FSTL4: variants seen among roughly 807,000 people sequenced by gnomAD.
FSTL4 encodes follistatin like 4.
FSTL4 carries 28 observed loss-of-function variants against 78.2 expected under a neutral mutation model. That is an observed-to-expected ratio of 0.36 (90% CI 0.27 to 0.49). The LOEUF is 0.49. FSTL4 is among the 20% of genes least tolerant of loss of function. The probability of loss-of-function intolerance (pLI) is 0.98; values close to 1 mark genes in which losing one functional copy is unlikely to be tolerated. For missense variants in FSTL4, 922 were observed against 1,084.9 expected, an observed-to-expected ratio of 0.85 and a Z score of 2.11; for synonymous variants, 422 against 440.5, an observed-to-expected ratio of 0.96 and a Z score of 0.53.
chr5:133,217,632 C>A (rs561845640), intron 12 of FSTL4, among the ~76,000 whole-genome samples: 4 of 152,142 alleles, frequency 2.6e-5, no homozygotes, highest in African/African-American at 7.2e-5. Flanking sequence ...TCTATTCTTA[C>A]GCTATCTTCT....
At chr5:133,532,001 C>T (rs1000437840) in intron 3 of FSTL4, among the ~76,000 whole-genome samples, 3 of 152,348 alleles carry the variant, frequency 2.0e-5, no homozygotes, top group Middle Eastern at 3.4e-3. Context: ...TTCTCTTACA[C>T]TGCAAAACGG....
chr5:133,656,006 A>T, the FSTL4 span, among the ~76,000 whole-genome samples: 33,165 of 152,180 alleles, frequency 0.22, 3,852 homozygotes, highest in Admixed American at 0.29. Context: ...CCCGCCCTCC[A>T]GGTCACTATG....
intron 3 of FSTL4, among the ~76,000 whole-genome samples, chr5:133,411,315 C>A (rs1042950942): frequency 1.3e-5 from 2 of 152,098 alleles, no homozygotes; most frequent in African/African-American, 4.8e-5. Flanking sequence ...CAAAATGCCA[C>A]GAGAATCAAG....
chr5:133,231,919 C>T (rs1414607250), intron 8 of FSTL4, among the ~76,000 whole-genome samples: 2 of 152,164 alleles, frequency 1.3e-5, no homozygotes, highest in African/African-American at 4.8e-5. Flanking sequence ...TTGGGAAACA[C>T]CGACCATTCC....
intron 4 of FSTL4, among the ~76,000 whole-genome samples, chr5:133,355,232 T>C (rs754719299): frequency 6.6e-6 from 1 of 152,234 alleles, no homozygotes; most frequent in African/African-American, 2.4e-5. Flanking sequence ...TCCTCAGCTA[T>C]TCCCAGACAG....
chr5:133,670,162 G>A, the FSTL4 span, among the ~76,000 whole-genome samples: 2 of 152,186 alleles, frequency 1.3e-5, no homozygotes, highest in African/African-American at 2.4e-5. Context: ...ATAAATTGTG[G>A]ATGTGCCTTT....
chr5:133,777,486 T>C, the FSTL4 span, among the ~76,000 whole-genome samples: 7 of 152,230 alleles, frequency 4.6e-5, no homozygotes. Context: ...GAAAACTATT[T>C]TTTAGATATT....
the FSTL4 span, among the ~76,000 whole-genome samples, chr5:133,732,753 AG>A: frequency 4.5e-3 from 618 of 136,808 alleles, 2 homozygotes; most frequent in African/African-American, 0.021. Flanking sequence ...CAGTGAATTG[AG>A]AGCCCAGGCC....
chr5:133,303,125 A>G (rs1332818311), intron 6 of FSTL4, among the ~76,000 whole-genome samples: 1 of 151,890 alleles, frequency 6.6e-6, no homozygotes, highest in Non-Finnish European at 1.5e-5. Context: ...CTTTGCATAC[A>G]CTCATTAGTC....
At chr5:133,615,744 C>T (rs1457975561), upstream of FSTL4, among the ~76,000 whole-genome samples, 1 of 152,186 alleles carries the variant, frequency 6.6e-6, no homozygotes, top group Non-Finnish European at 1.5e-5. Context: ...CTTAAGATTA[C>T]ACATACATAA....
the FSTL4 span, among the ~76,000 whole-genome samples, chr5:133,799,586 ATGGGGTACCTGTGGC>A: frequency 7.2e-6 from 1 of 138,152 alleles, no homozygotes. Context: ...ACTCAGAGAC[ATGGGGTACCTGTGGC>A]TGGCAGCCAC....
At chr5:133,552,348 G>A (rs934324842) in intron 3 of FSTL4, among the ~76,000 whole-genome samples, 1 of 152,144 alleles carries the variant, frequency 6.6e-6, no homozygotes. Context: ...ACTTAGTCTC[G>A]CTATGAGGAA....
rs974030956 is a variant in FSTL4 at position 133,197,622 on chromosome 5, G to T, written c.*1473C>A. ...TCCTTGAAAGAGTTCATTCCTTAAT[G>T]GCAAAGGAAAATCCTGGTCATGTCA... On this transcript the variant is annotated 3_prime_UTR_variant, in exon 16 of 16. Coordinates refer to ENST00000265342, the MANE Select transcript of FSTL4 (RefSeq NM_015082.2). 6.6e-6 allele frequency: 1 copy of T among 152,242 alleles called. No individual in the cohort carries two copies. Among genetic ancestry groups the T allele is most frequent in the African/African-American group, 2.4e-5 (1 of 41,444 alleles). The allele number at this position is 152,242 out of a possible 1,614,324, so 9.4% of individuals were successfully genotyped here.
the FSTL4 span, among the ~76,000 whole-genome samples, chr5:133,664,438 G>A: frequency 1.3e-5 from 2 of 152,104 alleles, no homozygotes; most frequent in African/African-American, 4.8e-5. Flanking sequence ...GAGGAACATC[G>A]CTTTTACTGC....
At chr5:133,284,341 G>C (rs1344283734) in intron 6 of FSTL4, among the ~76,000 whole-genome samples, 1 of 152,222 alleles carries the variant, frequency 6.6e-6, no homozygotes, top group East Asian at 1.9e-4. Context: ...TCTAATTAGA[G>C]TGAGTCAAGT....
the FSTL4 span, among the ~76,000 whole-genome samples, chr5:133,816,220 T>G: frequency 4.6e-5 from 7 of 152,138 alleles, no homozygotes; most frequent in Non-Finnish European, 1.0e-4. Context: ...TGAGGGCACA[T>G]GGTAGAGTGG....
chr5:133,293,741 G>A (rs1161715325), intron 6 of FSTL4, among the ~76,000 whole-genome samples: 1 of 152,294 alleles, frequency 6.6e-6, no homozygotes, highest in East Asian at 1.9e-4. Flanking sequence ...GAAGGTGTCC[G>A]AGTCCCCATG....
the FSTL4 span, among the ~76,000 whole-genome samples, chr5:133,632,679 G>GTT: frequency 6.1e-3 from 928 of 151,760 alleles, 8 homozygotes; most frequent in African/African-American, 0.018. Context: ...TTTTTTGTTT[G>GTT]TTTTTTTTGT....
chr5:133,814,036 C>G, the FSTL4 span, among the ~76,000 whole-genome samples: 2,977 of 152,314 alleles, frequency 0.02, 101 homozygotes, highest in African/African-American at 0.067. Flanking sequence ...CTGGGCTAAA[C>G]ACCAGGCAAC....
Sources: gnomAD v4.1 joint callset for allele counts (sites outside exome capture counted in the v4.1 genomes callset) on GRCh38, gnomAD v4.1.1 for gene constraint, MANE v1.5 for transcripts, NCBI Gene and HGNC (gene_info 2026-07-23, HGNC 2026-07-21) for gene names.